Variants in TIAL1 observed in about 807,000 individuals in gnomAD.
The protein encoded by TIAL1 is nucleolysin TIAR.
Under a neutral mutation model 59.7 loss-of-function variants are expected in TIAL1, and 7 were observed. The ratio of observed to expected loss-of-function variants is 0.12; its 90% CI spans 0.07 to 0.22. The LOEUF (loss-of-function observed/expected upper bound fraction) is 0.22, where lower values mean the gene tolerates loss of function less well. Among genes scored for constraint, TIAL1 ranks in the 10% least tolerant of loss-of-function variants. The probability of loss-of-function intolerance (pLI) is 1.00; values close to 1 mark genes in which losing one functional copy is unlikely to be tolerated. For synonymous variants in TIAL1, 149 were observed against 146.3 expected, an observed-to-expected ratio of 1.02 and a Z score of -0.13; for missense variants, 225 against 462.5, an observed-to-expected ratio of 0.49 and a Z score of 4.71.
intron 9 of TIAL1, 124 bp from the exon 10 acceptor site, chr10:119,577,327 G>T: frequency 7.0e-7 from 1 of 1,433,466 alleles, no homozygotes; most frequent in East Asian, 2.4e-5. Context: ...ACATTAGGTA[G>T]GTAGCTTAAA....
intron 2 of TIAL1, among the ~76,000 whole-genome samples, chr10:119,584,134 C>A (rs891666338): frequency 6.6e-6 from 1 of 152,132 alleles, no homozygotes; most frequent in Non-Finnish European, 1.5e-5. Context: ...AATTTCAAAT[C>A]TATCTAATAG....
chr10:119,596,113 G>A (rs1199925102), intron 1 of TIAL1, among the ~76,000 whole-genome samples: 2 of 147,302 alleles, frequency 1.4e-5, no homozygotes, highest in Admixed American at 6.8e-5. Context: ...GGCGTCCAAC[G>A]CGGAGGGGGT....
intron 2 of TIAL1, among the ~76,000 whole-genome samples, chr10:119,586,673 C>T (rs1845584545): frequency 6.6e-6 from 1 of 152,190 alleles, no homozygotes; most frequent in Admixed American, 6.6e-5. Context: ...CTGAATCCTG[C>T]TGTTAGACTC....
chr10:119,587,424 A>T (rs1845623994), intron 2 of TIAL1, among the ~76,000 whole-genome samples: 1 of 152,182 alleles, frequency 6.6e-6, no homozygotes, highest in African/African-American at 2.4e-5. Flanking sequence ...CCGCTCACTG[A>T]CCTAAGGCTG....
chr10:119,580,301 T>G (rs1195574769), intron 5 of TIAL1: 2 of 334,802 alleles, frequency 6.0e-6, no homozygotes, highest in Non-Finnish European at 1.0e-5. Flanking sequence ...TCTAATATTC[T>G]ATTTACTAGT....
At position 119,575,795 on chromosome 10, in the gene TIAL1, G is replaced by T; in HGVS notation, c.1002-4C>A. ...CCAAGCAGCAGAAGGTGATTGACTTGGAAGAAAAAGAAAAAATCTTCAGCA... is the reference window on the plus strand; with the variant it reads ...CCAAGCAGCAGAAGGTGATTGACTTTGAAGAAAAAGAAAAAATCTTCAGCA... On this transcript the variant is annotated splice_region_variant and splice_polypyrimidine_tract_variant and intron_variant, in intron 11 of 11. Coordinates refer to ENST00000436547, the MANE Select transcript of TIAL1 (RefSeq NM_003252.4). 1 of 1,504,208 alleles carries T rather than the reference G, an allele frequency of 6.6e-7. No individual in the cohort carries two copies. The highest frequency in any genetic ancestry group is 8.9e-7 in the Non-Finnish European group (1 of 1,129,572). The allele number at this position is 1,504,208 out of a possible 1,614,324, so 93.2% of individuals were successfully genotyped here.
intron 1 of TIAL1, among the ~76,000 whole-genome samples, chr10:119,590,641 C>T (rs1331168795): frequency 6.6e-6 from 1 of 151,736 alleles, no homozygotes; most frequent in African/African-American, 2.4e-5. Flanking sequence ...ACCTGGGAGG[C>T]AGAGGTTGCA....
At chr10:119,579,337 C>CA (rs1037390486) in intron 6 of TIAL1, among the ~76,000 whole-genome samples, 7 of 151,434 alleles carry the variant, frequency 4.6e-5, no homozygotes, top group African/African-American at 1.2e-4. Context: ...GACTCTATCT[C>CA]AAAAAAACAA....
chr10:119,595,423 A>G (rs759919209), intron 1 of TIAL1, among the ~76,000 whole-genome samples: 108 of 144,724 alleles, frequency 7.5e-4, no homozygotes, highest in Non-Finnish European at 1.4e-3. Context: ...ATTTAATTAA[A>G]AAGTATTCAG....
chr10:119,581,847 C>A, intron 5 of TIAL1, 75 bp downstream of exon 5: 1 of 1,120,566 alleles, frequency 8.9e-7, no homozygotes, highest in Non-Finnish European at 1.3e-6. Flanking sequence ...GAAAGAAAAT[C>A]TTAATTCAAT....
chr10:119,589,622 G>T (rs979005475), intron 1 of TIAL1, among the ~76,000 whole-genome samples: 24 of 151,776 alleles, frequency 1.6e-4, no homozygotes, highest in Non-Finnish European at 3.4e-4. Context: ...AAAAATTTGG[G>T]TTTTTTTTCC....
intron 1 of TIAL1, among the ~76,000 whole-genome samples, chr10:119,593,288 C>G (rs901041894): frequency 1.6e-4 from 24 of 151,976 alleles, no homozygotes; most frequent in Admixed American, 4.6e-4. Flanking sequence ...GCATAATACC[C>G]CAAAATAAAT....
chr10:119,586,372 T>A (rs1254607508), intron 2 of TIAL1, among the ~76,000 whole-genome samples: 1 of 152,192 alleles, frequency 6.6e-6, no homozygotes, highest in Non-Finnish European at 1.5e-5. Flanking sequence ...CTCCAAAATA[T>A]ATTCCAAATC....
chr10:119,579,233 G>A (rs967012269), intron 6 of TIAL1, among the ~76,000 whole-genome samples: 1 of 152,152 alleles, frequency 6.6e-6, no homozygotes, highest in Non-Finnish European at 1.5e-5. Context: ...AGCTACTCAG[G>A]AGGCTGAGGC....
At chr10:119,590,212 C>T (rs181609629) in intron 1 of TIAL1, among the ~76,000 whole-genome samples, 20 of 152,324 alleles carry the variant, frequency 1.3e-4, no homozygotes, top group Admixed American at 1.1e-3. Flanking sequence ...AACTGTTTTA[C>T]GTCCACTATG....
chr10:119,582,028 G>C lies in TIAL1; in HGVS notation c.284-19C>G. The C allele has an allele frequency of 1.9e-6, 3 of 1,611,198 alleles. No individual in the cohort carries two copies. The highest frequency in any genetic ancestry group is 2.5e-6 in the Non-Finnish European group (3 of 1,177,768). ...AAGTGATCTGAAATCAGAGCATTTG[G>C]TAATCAAATACTTAAGAAGTCAGCC... On this transcript the variant is annotated intron_variant, in intron 4 of 11. Transcript: ENST00000436547. This position sits in a 1 kb window ranked among gnomAD's most constrained non-coding sequence, Gnocchi z 5.1.
intron 2 of TIAL1, among the ~76,000 whole-genome samples, chr10:119,583,178 T>C (rs1335582672): frequency 1.3e-5 from 2 of 152,132 alleles, no homozygotes; most frequent in African/African-American, 4.8e-5. Flanking sequence ...CCTTCCAAAA[T>C]AGTCTAATGT....
intron 11 of TIAL1, 140 bp from the exon 12 acceptor site, chr10:119,575,931 GAAAT>G (rs1844967271): frequency 6.2e-6 from 5 of 811,394 alleles, no homozygotes; most frequent in East Asian, 3.0e-5. Context: ...AAAGATCAAA[GAAAT>G]AAATGATATA....
At chr10:119,578,862 CAAAGA>C (rs1413906122) in intron 6 of TIAL1, 28 bp from the exon 7 acceptor site, 8 of 1,559,862 alleles carry the variant, frequency 5.1e-6, no homozygotes, top group African/African-American at 2.7e-5. Context: ...AGCACAATCA[CAAAGA>C]AAAGAGTGAT....
Sources: gnomAD v4.1 joint callset for allele counts (sites outside exome capture counted in the v4.1 genomes callset) on GRCh38, gnomAD v4.1.1 for gene constraint, Gnocchi (gnomAD v3.1) non-coding constraint, MANE v1.5 for transcripts, NCBI Gene and HGNC (gene_info 2026-07-23, HGNC 2026-07-21) for gene names.